The following CDK19 variants were observed in gnomAD, a reference collection of about 807,000 sequenced individuals.
CDK19 encodes cyclin dependent kinase 19.
A neutral mutation model predicts 68.3 loss-of-function variants in CDK19; 20 were observed. That is an observed-to-expected ratio of 0.29 (90% CI 0.21 to 0.43). The LOEUF is 0.43. Among genes scored for constraint, CDK19 ranks in the 20% least tolerant of loss-of-function variants. The pLI, the probability that CDK19 is intolerant of heterozygous loss-of-function variation, is 1.00. For missense variants in CDK19, 339 were observed against 623.5 expected (o/e 0.54, Z 4.86); for synonymous variants, 221 against 222.8 (o/e 0.99, Z 0.07).
intron 2 of CDK19, among the ~76,000 whole-genome samples, chr6:110,671,351 G>A (rs1770999385): frequency 6.6e-6 from 1 of 152,118 alleles, no homozygotes; most frequent in Non-Finnish European, 1.5e-5. Context: ...CCCTCAGGCT[G>A]TCCTTAAACA....
chr6:110,764,391 T>C (rs1247077860), intron 1 of CDK19, among the ~76,000 whole-genome samples: 4 of 152,146 alleles, frequency 2.6e-5, no homozygotes, highest in South Asian at 2.1e-4. Context: ...CAGTGTGATA[T>C]TGGTGACAGA....
upstream of CDK19, chr6:110,815,745 G>C (rs1172520038): frequency 6.6e-6 from 1 of 152,506 alleles, no homozygotes; most frequent in East Asian, 1.9e-4. Context: ...TACTCTAGTG[G>C]GAAGGGGATA....
chr6:110,686,926 C>T (rs1483029130), intron 2 of CDK19, among the ~76,000 whole-genome samples: 4 of 152,090 alleles, frequency 2.6e-5, no homozygotes, highest in African/African-American at 7.2e-5. Flanking sequence ...CGGCCAGGTG[C>T]GGTGGCTCGT....
chr6:110,684,763 T>C (rs1172133307), intron 2 of CDK19, among the ~76,000 whole-genome samples: 1 of 152,190 alleles, frequency 6.6e-6, no homozygotes, highest in African/African-American at 2.4e-5. Flanking sequence ...AAACTGAGTA[T>C]CACTTGCCCA....
At chr6:110,684,630 G>A (rs1427194130) in intron 2 of CDK19, among the ~76,000 whole-genome samples, 1 of 151,988 alleles carries the variant, frequency 6.6e-6, no homozygotes, top group Non-Finnish European at 1.5e-5. Flanking sequence ...CTCCTTCTAT[G>A]GAGAATCCCA....
chr6:110,632,948 C>T (rs534399145), intron 5 of CDK19, among the ~76,000 whole-genome samples: 3 of 151,952 alleles, frequency 2.0e-5, no homozygotes, highest in South Asian at 2.1e-4. Context: ...TGGCCAGGCG[C>T]GGTGGCTCAC....
chr6:110,758,881 ATCT>A (rs1779003288), intron 1 of CDK19, among the ~76,000 whole-genome samples: 1 of 152,120 alleles, frequency 6.6e-6, no homozygotes, highest in African/African-American at 2.4e-5. Context: ...TGAATCAAAA[ATCT>A]TCTCCCCTTA....
intron 1 of CDK19, among the ~76,000 whole-genome samples, chr6:110,811,753 T>C (rs1783117948): frequency 1.3e-5 from 2 of 152,084 alleles, no homozygotes; most frequent in Admixed American, 6.6e-5. Context: ...AACATTTGGC[T>C]GGGTGTGGTG....
chr6:110,673,835 T>A (rs879406767), intron 2 of CDK19, among the ~76,000 whole-genome samples: 5 of 152,168 alleles, frequency 3.3e-5, no homozygotes, highest in Non-Finnish European at 7.3e-5. Context: ...CCTTAAGCAA[T>A]CCTCCCACTT....
chr6:110,675,267 G>A (rs1410958001), intron 2 of CDK19, among the ~76,000 whole-genome samples: 1 of 152,156 alleles, frequency 6.6e-6, no homozygotes, highest in Non-Finnish European at 1.5e-5. Context: ...AGGGTTTAAC[G>A]CAACTGGTGA....
At chr6:110,767,144 A>C (rs1210608094) in intron 1 of CDK19, among the ~76,000 whole-genome samples, 2 of 148,770 alleles carry the variant, frequency 1.3e-5, no homozygotes, top group South Asian at 2.3e-4. Flanking sequence ...AAAATAAATA[A>C]ATAAATAAAT....
At chr6:110,783,166 G>C (rs1780941069) in intron 1 of CDK19, among the ~76,000 whole-genome samples, 1 of 152,146 alleles carries the variant, frequency 6.6e-6, no homozygotes, top group African/African-American at 2.4e-5. Context: ...GATGACATGG[G>C]AGGAGGCAGC....
chr6:110,759,781 T>A (rs1297070992), intron 1 of CDK19, among the ~76,000 whole-genome samples: 1 of 152,006 alleles, frequency 6.6e-6, no homozygotes, highest in Non-Finnish European at 1.5e-5. Flanking sequence ...TGACCTGAAT[T>A]CACCTGTATG....
intron 2 of CDK19, among the ~76,000 whole-genome samples, chr6:110,683,886 T>TG: frequency 6.6e-6 from 1 of 151,184 alleles, no homozygotes; most frequent in Non-Finnish European, 1.5e-5. Context: ...TATTTTTTTT[T>TG]TTTTTAGTGG....
intron 4 of CDK19, among the ~76,000 whole-genome samples, chr6:110,642,908 G>T (rs981045386): frequency 1.3e-5 from 2 of 151,918 alleles, no homozygotes; most frequent in Non-Finnish European, 1.5e-5. Context: ...GAAAAAGAAA[G>T]GAAATATTCC....
chr6:110,698,582 G>T (rs4269407), intron 2 of CDK19, among the ~76,000 whole-genome samples: 5,393 of 152,166 alleles, frequency 0.035, 307 homozygotes, highest in African/African-American at 0.12. Context: ...CAACCTCTAT[G>T]GAAAACAGTA....
intron 2 of CDK19, among the ~76,000 whole-genome samples, chr6:110,729,967 C>T (rs935195927): frequency 1.3e-5 from 2 of 152,120 alleles, no homozygotes; most frequent in Admixed American, 6.6e-5. Context: ...GGTTGTATAA[C>T]TGGGTCTCAG....
intron 1 of CDK19, among the ~76,000 whole-genome samples, chr6:110,778,270 T>C (rs1371556677): frequency 6.6e-6 from 1 of 152,232 alleles, no homozygotes; most frequent in Admixed American, 6.5e-5. Context: ...TTAATGTATA[T>C]TGTCATATAG....
intron 1 of CDK19, among the ~76,000 whole-genome samples, chr6:110,795,380 G>A (rs1403228774): frequency 6.6e-6 from 1 of 152,160 alleles, no homozygotes; most frequent in African/African-American, 2.4e-5. Flanking sequence ...ACAGGTCCTA[G>A]GAGCTAAGAG....
Sources: allele counts gnomAD v4.1 joint callset (sites outside exome capture counted in the v4.1 genomes callset), GRCh38; gene constraint gnomAD v4.1.1; transcripts MANE v1.5; gene names NCBI Gene and HGNC (gene_info 2026-07-23, HGNC 2026-07-21).